Variants in OSBP2 observed in about 807,000 individuals in gnomAD.
The protein encoded by OSBP2 is oxysterol binding protein 2.
A neutral mutation model predicts 96.0 loss-of-function variants in OSBP2; 66 were observed. The observed-to-expected ratio is 0.69, with a 90% CI of 0.56 to 0.84. The LOEUF (loss-of-function observed/expected upper bound fraction) is 0.84, where lower values mean the gene tolerates loss of function less well. OSBP2 is among the 40% of genes least tolerant of loss of function. The pLI is 0.00. For synonymous variants in OSBP2, 525 were observed against 520.9 expected, an observed-to-expected ratio of 1.01 and a Z score of -0.11; for missense variants, 1,038 against 1,222.7, an observed-to-expected ratio of 0.85 and a Z score of 2.25.
intron 2 of OSBP2, among the ~76,000 whole-genome samples, chr22:30,785,970 A>G (rs2090583322): frequency 6.6e-6 from 1 of 152,094 alleles, no homozygotes; most frequent in African/African-American, 2.4e-5. Context: ...TAAATTACCC[A>G]GTCTCAGGTA....
At chr22:30,840,104 A>G (rs2147029792) in intron 2 of OSBP2, among the ~76,000 whole-genome samples, 1 of 149,166 alleles carries the variant, frequency 6.7e-6, no homozygotes, top group East Asian at 2.0e-4. Context: ...GATATACCTA[A>G]TGCTAGATGA....
chr22:30,774,119 G>T (rs2090396039), intron 2 of OSBP2, among the ~76,000 whole-genome samples: 2 of 152,178 alleles, frequency 1.3e-5, no homozygotes, highest in Admixed American at 1.3e-4. Context: ...TCATAAGAGA[G>T]AGGAGGCAAG....
At chr22:30,804,131 A>G (rs2090894581) in intron 2 of OSBP2, among the ~76,000 whole-genome samples, 1 of 152,132 alleles carries the variant, frequency 6.6e-6, no homozygotes, top group Non-Finnish European at 1.5e-5. Context: ...GTTAACTCCT[A>G]GAACTGGATG....
intron 2 of OSBP2, among the ~76,000 whole-genome samples, chr22:30,798,083 T>TG (rs751189656): frequency 6.6e-5 from 10 of 152,212 alleles, no homozygotes; most frequent in Non-Finnish European, 1.2e-4. Flanking sequence ...TCCACATCCT[T>TG]GCCAACACTT....
chr22:30,854,980 C>CG (rs11420614), intron 2 of OSBP2, among the ~76,000 whole-genome samples: 96,656 of 151,764 alleles, frequency 0.64, 32,446 homozygotes, highest in African/African-American at 0.86. Context: ...TGAAAGCCAA[C>CG]TTATAAAACC....
At chr22:30,711,511 G>C (rs2089349362) in intron 1 of OSBP2, among the ~76,000 whole-genome samples, 3 of 151,926 alleles carry the variant, frequency 2.0e-5, no homozygotes, top group African/African-American at 4.8e-5. Context: ...TAGCCAAGGT[G>C]GGTGGATCCC....
At chr22:30,727,249 C>T (rs1320109851) in intron 1 of OSBP2, among the ~76,000 whole-genome samples, 3 of 152,178 alleles carry the variant, frequency 2.0e-5, no homozygotes, top group Non-Finnish European at 4.4e-5. Flanking sequence ...AACGGTGTCC[C>T]CTTGACCTGA....
intron 2 of OSBP2, among the ~76,000 whole-genome samples, chr22:30,788,898 AGTTGG>A (rs2090634607): frequency 1.3e-5 from 2 of 151,970 alleles, no homozygotes; most frequent in African/African-American, 4.8e-5. Flanking sequence ...TTTTTAGTAG[AGTTGG>A]GGTTTCGCCA....
intron 2 of OSBP2, among the ~76,000 whole-genome samples, chr22:30,821,508 A>G (rs2038272685): frequency 6.6e-6 from 1 of 152,054 alleles, no homozygotes. Flanking sequence ...AGAGTTTCTG[A>G]CCCGAATGAT....
At chr22:30,877,552 C>T (rs1012106283) in intron 3 of OSBP2, among the ~76,000 whole-genome samples, 7 of 152,306 alleles carry the variant, frequency 4.6e-5, no homozygotes, top group Middle Eastern at 3.4e-3. Flanking sequence ...CAAGCTCAGG[C>T]TTGGAGTGTT....
chr22:30,793,357 T>A (rs939248241), intron 2 of OSBP2, among the ~76,000 whole-genome samples: 2 of 151,974 alleles, frequency 1.3e-5, no homozygotes, highest in African/African-American at 4.8e-5. Context: ...ACCACTGCAC[T>A]CCAGCCTGGG....
At chr22:30,875,075 A>G (rs559225708) in intron 3 of OSBP2, among the ~76,000 whole-genome samples, 1 of 152,280 alleles carries the variant, frequency 6.6e-6, no homozygotes, top group African/African-American at 2.4e-5. Flanking sequence ...AAGCACTCCA[A>G]GTGGCCCACG....
intron 1 of OSBP2, among the ~76,000 whole-genome samples, chr22:30,734,078 G>A (rs1020901653): frequency 6.6e-6 from 1 of 151,992 alleles, no homozygotes; most frequent in Non-Finnish European, 1.5e-5. Context: ...GGGTTCAAAC[G>A]ACTCTCCTGC....
intron 2 of OSBP2, among the ~76,000 whole-genome samples, chr22:30,816,090 G>C (rs1297582029): frequency 1.3e-5 from 2 of 151,970 alleles, no homozygotes; most frequent in Non-Finnish European, 2.9e-5. Context: ...CTGCACTGTA[G>C]TCTCACTGGC....
chr22:30,701,504 C>T (rs1436559206), intron 1 of OSBP2, among the ~76,000 whole-genome samples: 5 of 151,866 alleles, frequency 3.3e-5, no homozygotes, highest in East Asian at 3.9e-4. Context: ...CCACCACACC[C>T]GGCTTATTTT....
At chr22:30,784,013 G>A (rs2090554273) in intron 2 of OSBP2, among the ~76,000 whole-genome samples, 1 of 152,212 alleles carries the variant, frequency 6.6e-6, no homozygotes, top group Non-Finnish European at 1.5e-5. Flanking sequence ...TTCAGAAGCA[G>A]GGATGGCATC....
At chr22:30,854,979 AC>A (rs1277661441) in intron 2 of OSBP2, among the ~76,000 whole-genome samples, 7 of 23,396 alleles carry the variant, frequency 3.0e-4, no homozygotes, top group Middle Eastern at 0.053. Flanking sequence ...GTGAAAGCCA[AC>A]TTATAAAACC....
chr22:30,843,455 C>CCG (rs1555919418), intron 2 of OSBP2, among the ~76,000 whole-genome samples: 1 of 150,272 alleles, frequency 6.7e-6, no homozygotes, highest in African/African-American at 2.5e-5. Context: ...CCCCCCTCCC[C>CCG]CTTGAGCAAT....
chr22:30,798,038 A>G (rs1281268039), intron 2 of OSBP2, among the ~76,000 whole-genome samples: 1 of 152,124 alleles, frequency 6.6e-6, no homozygotes, highest in Non-Finnish European at 1.5e-5. Flanking sequence ...CTGCTCAACC[A>G]TTTTATATTC....
Sources: allele counts gnomAD v4.1 joint callset (sites outside exome capture counted in the v4.1 genomes callset), GRCh38; gene constraint gnomAD v4.1.1; transcripts MANE v1.5; gene names NCBI Gene and HGNC (gene_info 2026-07-23, HGNC 2026-07-21).